Variants in INSYN2B observed in about 807,000 individuals in gnomAD.
The protein encoded by INSYN2B is protein INSYN2B.
INSYN2B carries 16 observed loss-of-function variants against 41.2 expected under a neutral mutation model. The ratio of observed to expected loss-of-function variants is 0.39; its 90% CI spans 0.26 to 0.59. The LOEUF is 0.59. Ranked by LOEUF, INSYN2B falls within the 20% of genes least tolerant of loss-of-function variation. The probability of loss-of-function intolerance (pLI) is 0.57; values close to 1 mark genes in which losing one functional copy is unlikely to be tolerated. For synonymous variants in INSYN2B, 245 were observed against 244.4 expected (o/e 1.00, Z -0.02); for missense variants, 608 against 646.4 (o/e 0.94, Z 0.64).
intron 1 of INSYN2B, among the ~76,000 whole-genome samples, chr5:169,910,954 G>A (rs973354221): frequency 4.6e-5 from 7 of 151,982 alleles, no homozygotes; most frequent in Non-Finnish European, 7.4e-5. Flanking sequence ...CTATATCTGG[G>A]GTATGAGCCA....
chr5:169,868,224 G>A (rs1009049988), intron 3 of INSYN2B, among the ~76,000 whole-genome samples: 29 of 152,200 alleles, frequency 1.9e-4, no homozygotes, highest in African/African-American at 7.0e-4. Flanking sequence ...TGTCCCCAGT[G>A]TGTTTGAGAT....
At chr5:169,867,301 T>A (rs1441290809) in intron 3 of INSYN2B, among the ~76,000 whole-genome samples, 3 of 152,166 alleles carry the variant, frequency 2.0e-5, no homozygotes, top group Non-Finnish European at 4.4e-5. Context: ...GAAAGAGACT[T>A]TGTTTCCTGA....
rs747714801 is a variant in INSYN2B at position 169,864,137 on chromosome 5, G to C, written c.*136C>G. ...CAGCAGCGGCTACATCAGCTCCAAG[G>C]CTCTTCTGTTTCACAGGCCAAGGGG... On this transcript the variant is annotated 3_prime_UTR_variant, in exon 4 of 4. Coordinates refer to ENST00000377365, the MANE Select transcript of INSYN2B (RefSeq NM_001129891.3). 9.2e-6 allele frequency: 7 copies of C among 757,434 alleles called. No homozygotes were observed. Among genetic ancestry groups the C allele is most frequent in the Admixed American group, 5.2e-5 (2 of 38,466 alleles). The allele number at this position is 757,434 out of a possible 1,614,324, so 46.9% of individuals were successfully genotyped here.
At chr5:169,888,555 T>C (rs896646842) in intron 1 of INSYN2B, among the ~76,000 whole-genome samples, 3 of 152,194 alleles carry the variant, frequency 2.0e-5, no homozygotes, top group African/African-American at 7.2e-5. Flanking sequence ...TCTCTGTAGG[T>C]TGCAAACTGT....
At chr5:169,882,010 T>A (rs147956751) in intron 2 of INSYN2B, among the ~76,000 whole-genome samples, 1 of 152,296 alleles carries the variant, frequency 6.6e-6, no homozygotes, top group Non-Finnish European at 1.5e-5. Context: ...TTGCCGAAAA[T>A]GAATTGTGCA....
intron 1 of INSYN2B, among the ~76,000 whole-genome samples, chr5:169,932,149 G>A (rs1775785422): frequency 6.6e-6 from 1 of 152,170 alleles, no homozygotes; most frequent in Admixed American, 6.5e-5. Flanking sequence ...ATATGATGGA[G>A]GTGACAGAAG....
chr5:169,923,876 A>G (rs1216183199), intron 1 of INSYN2B, among the ~76,000 whole-genome samples: 5 of 152,254 alleles, frequency 3.3e-5, no homozygotes, highest in African/African-American at 9.6e-5. Context: ...GCCAGTCAGT[A>G]TATGAGCTAA....
At chr5:169,967,936 G>T (rs1378141843) in intron 1 of INSYN2B, among the ~76,000 whole-genome samples, 1 of 152,178 alleles carries the variant, frequency 6.6e-6, no homozygotes, top group Non-Finnish European at 1.5e-5. Context: ...TGGCCAAAGT[G>T]GCTGGTTCTG....
At chr5:169,974,800 G>T (rs905006041) in intron 1 of INSYN2B, among the ~76,000 whole-genome samples, 1 of 152,110 alleles carries the variant, frequency 6.6e-6, no homozygotes, top group African/African-American at 2.4e-5. Flanking sequence ...CCTTGTTTCT[G>T]AACCTGTTCT....
chr5:169,893,954 T>C (rs925526787), intron 1 of INSYN2B, among the ~76,000 whole-genome samples: 3 of 151,108 alleles, frequency 2.0e-5, no homozygotes, highest in African/African-American at 7.2e-5. Flanking sequence ...GTAGATTGTC[T>C]AAAGAAATTA....
intron 1 of INSYN2B, among the ~76,000 whole-genome samples, chr5:169,978,511 T>C (rs1435791301): frequency 2.0e-5 from 3 of 151,902 alleles, no homozygotes; most frequent in African/African-American, 7.3e-5. Flanking sequence ...TGATGATGAA[T>C]TTTTTAATGC....
At chr5:169,938,767 CTT>C (rs1293508752) in intron 1 of INSYN2B, among the ~76,000 whole-genome samples, 1 of 152,112 alleles carries the variant, frequency 6.6e-6, no homozygotes, top group African/African-American at 2.4e-5. Flanking sequence ...CAGAGTGTAA[CTT>C]TACAAACTTT....
chr5:169,869,383 C>G (rs531455645), intron 3 of INSYN2B, among the ~76,000 whole-genome samples: 1 of 152,312 alleles, frequency 6.6e-6, no homozygotes, highest in Non-Finnish European at 1.5e-5. Flanking sequence ...CAAGGCCAGG[C>G]AAATAGCAGA....
At chr5:169,957,471 T>G (rs1347945838) in intron 1 of INSYN2B, among the ~76,000 whole-genome samples, 2 of 152,196 alleles carry the variant, frequency 1.3e-5, no homozygotes, top group Admixed American at 6.5e-5. Flanking sequence ...CACAGCCCTG[T>G]AAGGAGAAGT....
intron 1 of INSYN2B, among the ~76,000 whole-genome samples, chr5:169,938,497 T>C (rs1226535650): frequency 1.3e-5 from 2 of 152,198 alleles, no homozygotes; most frequent in Admixed American, 1.3e-4. Context: ...AACACATTGG[T>C]AAATGTAATG....
intron 1 of INSYN2B, among the ~76,000 whole-genome samples, chr5:169,956,181 T>C (rs1776858585): frequency 6.6e-6 from 1 of 152,228 alleles, no homozygotes; most frequent in Non-Finnish European, 1.5e-5. Flanking sequence ...AGGGCAAAAC[T>C]TGATGGTCTC....
At chr5:169,902,011 C>G (rs1271214454) in intron 1 of INSYN2B, among the ~76,000 whole-genome samples, 1 of 152,194 alleles carries the variant, frequency 6.6e-6, no homozygotes, top group African/African-American at 2.4e-5. Context: ...AGTAAGAGAC[C>G]ACCCAGATGC....
In INSYN2B at chr5:169,958,539, A is replaced by T. The variant is rs115207098; in HGVS notation, c.-919+21738T>A. On this transcript the variant is annotated intron_variant, in intron 1 of 3. Coordinates refer to ENST00000377365, the MANE Select transcript of INSYN2B (RefSeq NM_001129891.3). ...ATTAGCCCAGCCCCCTTTCCGTCTT[A>T]CTATTAAAATAGAGGACAAAAGGGG... Among the ~76,000 whole-genome samples, 902 of 152,176 alleles carry T rather than the reference A, an allele frequency of 5.9e-3. 11 individuals are homozygous for T. Among genetic ancestry groups the T allele is most frequent in the African/African-American group, 0.02 (826 of 41,516 alleles).
chr5:169,976,758 G>C (rs1777731269), intron 1 of INSYN2B, among the ~76,000 whole-genome samples: 1 of 152,164 alleles, frequency 6.6e-6, no homozygotes, highest in Admixed American at 6.5e-5. Context: ...CTGTGCTTAA[G>C]AGCTGATCTG....
Sources: allele counts gnomAD v4.1 joint callset (sites outside exome capture counted in the v4.1 genomes callset), GRCh38; gene constraint gnomAD v4.1.1; transcripts MANE v1.5; gene names NCBI Gene and HGNC (gene_info 2026-07-23, HGNC 2026-07-21).